USP36: variants seen among roughly 807,000 people sequenced by gnomAD.
USP36 encodes ubiquitin specific peptidase 36.
A neutral mutation model predicts 111.5 loss-of-function variants in USP36; 59 were observed. The ratio of observed to expected loss-of-function variants is 0.53; its 90% confidence interval spans 0.43 to 0.66. The LOEUF is 0.66. USP36 is among the 30% of genes least tolerant of loss of function. The pLI, the probability that USP36 is intolerant of heterozygous loss-of-function variation, is 0.00. For missense variants in USP36, 1,488 were observed against 1,468.0 expected (o/e 1.01, Z -0.22); for synonymous variants, 628 against 581.0 (o/e 1.08, Z -1.16).
chr17:78,839,704 C>T (rs1013469871), intron 1 of USP36, among the ~76,000 whole-genome samples: 13 of 152,204 alleles, frequency 8.5e-5, no homozygotes, highest in African/African-American at 2.9e-4. Flanking sequence ...CTCTACTTCA[C>T]CAATTCCACC....
At chr17:78,808,205 C>G (rs985418344) in intron 13 of USP36, among the ~76,000 whole-genome samples, 2 of 152,154 alleles carry the variant, frequency 1.3e-5, no homozygotes, top group Non-Finnish European at 2.9e-5. Flanking sequence ...CCAGTTTTAT[C>G]TTAAAGCTAT....
chr17:78,819,168 G>C (rs1340916980), intron 9 of USP36: 1 of 184,506 alleles, frequency 5.4e-6, no homozygotes, highest in Non-Finnish European at 1.1e-5. Context: ...CAAACACAGG[G>C]AGAGAAAACA....
At chr17:78,790,995 T>C (rs1354755888), downstream of USP36, among the ~76,000 whole-genome samples, 8 of 152,180 alleles carry the variant, frequency 5.3e-5, no homozygotes, top group Non-Finnish European at 7.3e-5. Flanking sequence ...GCAAGACATG[T>C]ATCGTGAGAG....
intron 13 of USP36, among the ~76,000 whole-genome samples, chr17:78,812,448 G>C (rs1022517003): frequency 6.6e-6 from 1 of 152,070 alleles, no homozygotes; most frequent in Admixed American, 6.5e-5. Flanking sequence ...CCAGCACTTT[G>C]GGAGGCCGAG....
rs368384620 is a variant in USP36, at chr17:78,815,830, T to C, written c.1024-1278A>G. Among the ~76,000 whole-genome samples, 58 of 146,898 alleles carry C rather than the reference T, an allele frequency of 3.9e-4. No homozygotes were observed. In the Middle Eastern group the frequency reaches 0.014, roughly 34 times the overall value. ...TACATCGTATACACACATGCACACA[T>C]ATATACATACACACACACATATGCA... On this transcript the variant is annotated intron_variant, in intron 10 of 20. Coordinates refer to ENST00000449938, the MANE Select transcript of USP36 (RefSeq NM_001385174.1).
At chr17:78,835,784 C>G (rs921645074) in intron 3 of USP36, among the ~76,000 whole-genome samples, 1 of 152,210 alleles carries the variant, frequency 6.6e-6, no homozygotes, top group Non-Finnish European at 1.5e-5. Flanking sequence ...CCAGGCCTGG[C>G]ACTCTGCACC....
chr17:78,808,146 C>T (rs998610665), intron 13 of USP36, among the ~76,000 whole-genome samples: 1 of 152,204 alleles, frequency 6.6e-6, no homozygotes, highest in Non-Finnish European at 1.5e-5. Flanking sequence ...CTAGTGCTTT[C>T]TTTTTTCAAT....
chr17:78,792,154 CCA>C (rs1209803406), downstream of USP36: 2 of 152,318 alleles, frequency 1.3e-5, no homozygotes, highest in African/African-American at 4.8e-5. Flanking sequence ...AGACTAAGAA[CCA>C]CAGAGAGTCA....
intron 17 of USP36, among the ~76,000 whole-genome samples, chr17:78,801,102 G>A (rs907122192): frequency 4.7e-5 from 7 of 149,618 alleles, no homozygotes; most frequent in African/African-American, 1.7e-4. Context: ...TCAGCCTCCC[G>A]AGTAGCTGGG....
intron 6 of USP36, among the ~76,000 whole-genome samples, chr17:78,822,944 T>C (rs1376313824): frequency 6.6e-6 from 1 of 151,972 alleles, no homozygotes; most frequent in Non-Finnish European, 1.5e-5. Context: ...TCCAGCCCCG[T>C]CTCCCCAGCT....
chr17:78,806,043 A>G, intron 15 of USP36, 113 bp downstream of exon 15: 1 of 1,563,026 alleles, frequency 6.4e-7, no homozygotes, highest in Non-Finnish European at 8.7e-7. Context: ...TGGCTGCCCC[A>G]ATGCTTTGTC....
Position 78,814,455 on chromosome 17 carries a change from G to A in USP36, c.1121C>T (p.Ser374Leu), listed in dbSNP as rs2094135972. ...MYGLYAVLVH[S>L]GYSCHAGHYY... ...GTGCCCGGCATGGCAGCTGTAGCCC[G>A]AGTGCACCAGGACAGCATAGAGTCC... The change falls in exon 11 of 21, where the codon TCG (serine) becomes TTG (leucine). Residue 374 changes from serine to leucine, a missense_variant. Transcript: ENST00000449938. 3.7e-6 allele frequency: 6 copies of A among 1,614,016 alleles called. No homozygotes were observed. Among genetic ancestry groups the A allele is most frequent in the Non-Finnish European group, 5.1e-6 (6 of 1,180,010 alleles).
At chr17:78,817,682 AG>A (rs1055072023) in intron 10 of USP36, among the ~76,000 whole-genome samples, 26 of 151,958 alleles carry the variant, frequency 1.7e-4, no homozygotes, top group African/African-American at 5.6e-4. Context: ...TGAACCCAGA[AG>A]GTGGAGACAG....
chr17:78,810,500 G>A (rs886473576), intron 13 of USP36, among the ~76,000 whole-genome samples: 1 of 151,964 alleles, frequency 6.6e-6, no homozygotes, highest in African/African-American at 2.4e-5. Context: ...GGTTGGTCTC[G>A]AACTCCTGGG....
chr17:78,835,967 C>A (rs2068626941), intron 3 of USP36, 144 bp downstream of exon 3: 47 of 1,176,802 alleles, frequency 4.0e-5, no homozygotes, highest in Non-Finnish European at 4.8e-5. Flanking sequence ...ACTTCTATAA[C>A]TGAAATCCAC....
chr17:78,814,506 T>C lies in USP36; in HGVS notation c.1070A>G (p.Gln357Arg), dbSNP rs1226333610. 3.1e-6 allele frequency: 5 copies of C among 1,614,230 alleles called. No individual in the cohort carries two copies. Among genetic ancestry groups the C allele is most frequent in the Non-Finnish European group, 4.2e-6 (5 of 1,180,036 alleles). ...ATACATGACAGGATCACCATTATTC[T>C]GGGACATATACGGACGTATGTTGAG... ...EFLNIRPYMS[Q>R]NNGDPVMYGL... The change falls in exon 11 of 21, where the codon CAG becomes CGG. Residue 357 changes from glutamine to arginine, a missense_variant. Gln to Arg is a conservative substitution (Grantham distance 43). This residue lies in a region of USP36 where 1,073 missense variants were observed against 994.1 expected (regional missense o/e 1.08). Transcript: ENST00000449938.
At chr17:78,822,560 CG>C (rs1694047510) in intron 6 of USP36, among the ~76,000 whole-genome samples, 1 of 152,176 alleles carries the variant, frequency 6.6e-6, no homozygotes, top group South Asian at 2.1e-4. Context: ...ACGTGGGCTT[CG>C]GGGTCAGGAG....
Position 78,818,998 on chromosome 17 carries a change from T to C in USP36, c.912-220A>G, listed in dbSNP as rs568603784. On this transcript the variant is annotated intron_variant, in intron 9 of 20. Coordinates refer to ENST00000449938, the MANE Select transcript of USP36 (RefSeq NM_001385174.1). Reference sequence around the variant, plus strand: ...AAGACTACAGAAAGTGGGAAGATTCTAAAGCAAAAAAATAAAAGTACTGTA... The same window carrying C: ...AAGACTACAGAAAGTGGGAAGATTCCAAAGCAAAAAAATAAAAGTACTGTA... The C allele has an allele frequency of 6.8e-4, 320 of 468,438 alleles. 1 individual carries two copies. The highest frequency in any genetic ancestry group is 5.7e-4 in the Non-Finnish European group (146 of 257,720). The allele number at this position is 468,438 out of a possible 1,614,324, so 29.0% of individuals were successfully genotyped here. A position where few individuals can be genotyped will look rare whatever the true frequency, so the allele number is the denominator to read the frequency against.
At chr17:78,821,358 T>C (rs1223298220) in intron 7 of USP36, 3 of 224,372 alleles carry the variant, frequency 1.3e-5, no homozygotes, top group East Asian at 2.4e-4. Context: ...GCCTCCTCCC[T>C]GCACGCGTGC....
Sources: gnomAD v4.1 joint callset for allele counts (sites outside exome capture counted in the v4.1 genomes callset) on GRCh38, gnomAD v4.1.1 for gene constraint, gnomAD v4.1.1 regional missense constraint, MANE v1.5 for transcripts, NCBI Gene and HGNC (gene_info 2026-07-23, HGNC 2026-07-21) for gene names.